The following TMC1 variants were observed in gnomAD, a reference collection of about 807,000 sequenced individuals.
TMC1 encodes the protein transmembrane channel like 1.
TMC1 carries 84 observed loss-of-function variants against 105.8 expected under a neutral mutation model. That is an observed-to-expected ratio of 0.79 (90% CI 0.67 to 0.95). The LOEUF (loss-of-function observed/expected upper bound fraction) is 0.95, where lower values mean the gene tolerates loss of function less well. Ranked by LOEUF, TMC1 falls within the 40% of genes least tolerant of loss-of-function variation. The pLI is 0.00. For missense variants in TMC1, 817 were observed against 914.1 expected (o/e 0.89, Z 1.37); for synonymous variants, 315 against 311.5 (o/e 1.01, Z -0.12).
intron 13 of TMC1, among the ~76,000 whole-genome samples, chr9:72,787,676 C>T (rs551298477): frequency 2.0e-5 from 3 of 151,642 alleles, no homozygotes; most frequent in East Asian, 3.9e-4. Flanking sequence ...TATATATACA[C>T]ACACACACAT....
At chr9:72,771,674 G>T (rs1399031847) in intron 12 of TMC1, among the ~76,000 whole-genome samples, 1 of 152,220 alleles carries the variant, frequency 6.6e-6, no homozygotes, top group East Asian at 1.9e-4. Context: ...AATGCTGAAA[G>T]TGAAAAACAC....
At position 72,791,512 on chromosome 9, in the gene TMC1, C is replaced by A. The variant is rs370947820; in HGVS notation, c.1225-374C>A. Among the ~76,000 whole-genome samples the A allele has an allele frequency of 5.9e-5, 9 of 152,332 alleles. No homozygotes were observed. The East Asian group carries it at 1.7e-3, about 29-fold the overall frequency. On this transcript the variant is annotated intron_variant, in intron 15 of 23. Transcript: ENST00000297784. Reference sequence around the variant, plus strand: ...GAATTTTCAGTTTGAACCTCCTCCTCAAGCAGATTATTTTCCATTTCTTTT... The same window carrying A: ...GAATTTTCAGTTTGAACCTCCTCCTAAAGCAGATTATTTTCCATTTCTTTT...
At chr9:72,705,265 G>T (rs901298576) in intron 8 of TMC1, among the ~76,000 whole-genome samples, 1 of 152,184 alleles carries the variant, frequency 6.6e-6, no homozygotes, top group Admixed American at 6.5e-5. Context: ...GTGGTAGATT[G>T]AAAGTGCTCA....
intron 18 of TMC1, among the ~76,000 whole-genome samples, chr9:72,808,460 C>T (rs568617607): frequency 6.6e-6 from 1 of 152,284 alleles, no homozygotes; most frequent in East Asian, 1.9e-4. Context: ...ACACACTGTT[C>T]TGTTTTCTTC....
intron 2 of TMC1, among the ~76,000 whole-genome samples, chr9:72,592,691 G>A (rs1449764236): frequency 6.6e-6 from 1 of 152,160 alleles, no homozygotes; most frequent in East Asian, 1.9e-4. Context: ...TAGATTCTAA[G>A]TTGCCTGCAG....
chr9:72,606,333 A>G (rs936628494), intron 2 of TMC1, among the ~76,000 whole-genome samples: 4 of 152,192 alleles, frequency 2.6e-5, no homozygotes, highest in African/African-American at 9.7e-5. Context: ...GATAAGAGAG[A>G]GAGAATCCAA....
intron 2 of TMC1, among the ~76,000 whole-genome samples, chr9:72,582,262 C>T (rs1020570023): frequency 7.2e-5 from 11 of 152,168 alleles, no homozygotes; most frequent in Admixed American, 6.5e-5. Flanking sequence ...CAGCCGATAG[C>T]ATCTTAACAA....
chr9:72,700,327 T>G (rs1051012154), intron 7 of TMC1, among the ~76,000 whole-genome samples, 191 bp from the exon 8 acceptor site: 2 of 151,962 alleles, frequency 1.3e-5, no homozygotes, highest in African/African-American at 4.8e-5. Flanking sequence ...CACTACTGCT[T>G]AAAGTTATAA....
intron 8 of TMC1, among the ~76,000 whole-genome samples, chr9:72,735,436 A>G (rs1168261161): frequency 6.6e-6 from 1 of 152,168 alleles, no homozygotes; most frequent in Admixed American, 6.5e-5. Context: ...ACATGTAAAG[A>G]TGTTTTCTTG....
intron 11 of TMC1, among the ~76,000 whole-genome samples, chr9:72,753,600 A>G (rs557956476): frequency 4.5e-4 from 69 of 152,274 alleles, no homozygotes; most frequent in African/African-American, 1.7e-3. Flanking sequence ...AGGTTGTATT[A>G]GGTGCTGAGG....
intron 1 of TMC1, among the ~76,000 whole-genome samples, chr9:72,524,784 A>C (rs1823378536): frequency 6.6e-6 from 1 of 152,216 alleles, no homozygotes; most frequent in African/African-American, 2.4e-5. Context: ...AGAGAGAGAA[A>C]TCTTAAGGGA....
chr9:72,804,095 A>G (rs984631490), intron 17 of TMC1, among the ~76,000 whole-genome samples: 5 of 152,216 alleles, frequency 3.3e-5, no homozygotes, highest in Admixed American at 3.3e-4. Context: ...ACATGGATGG[A>G]GCTGAAAGCC....
chr9:72,670,141 C>A (rs1826107083), intron 5 of TMC1, among the ~76,000 whole-genome samples: 1 of 152,174 alleles, frequency 6.6e-6, no homozygotes, highest in African/African-American at 2.4e-5. Context: ...CCTGCTGACT[C>A]TTCTGCTGAA....
At chr9:72,744,508 A>G (rs1564526899) in intron 10 of TMC1, among the ~76,000 whole-genome samples, 1 of 152,202 alleles carries the variant, frequency 6.6e-6, no homozygotes, top group Non-Finnish European at 1.5e-5. Flanking sequence ...AGAGGCACTG[A>G]AAAACAAAAG....
At chr9:72,820,334 T>G (rs1828847072) in intron 19 of TMC1, among the ~76,000 whole-genome samples, 1 of 152,238 alleles carries the variant, frequency 6.6e-6, no homozygotes, top group Non-Finnish European at 1.5e-5. Flanking sequence ...CGTGGCCCAC[T>G]GCAACCTTGA....
At chr9:72,785,281 T>C (rs1461245896) in intron 13 of TMC1, among the ~76,000 whole-genome samples, 1 of 152,218 alleles carries the variant, frequency 6.6e-6, no homozygotes, top group East Asian at 1.9e-4. Flanking sequence ...GTCCACATAT[T>C]TAATGACTTT....
chr9:72,748,466 T>A (rs1345145795), intron 10 of TMC1, among the ~76,000 whole-genome samples: 1 of 152,216 alleles, frequency 6.6e-6, no homozygotes, highest in East Asian at 1.9e-4. Context: ...AGTGGCAGCA[T>A]AATGAGTTGA....
At position 72,606,387 on chromosome 9, in the gene TMC1, A is replaced by G. The variant is rs141799564; in HGVS notation, c.-305-9981A>G. ...CTTATAACTTAGGTTTAGAAATAAT[A>G]TATCAGTACCTCTGCCACATTCTGT... is the stretch of plus-strand genomic sequence containing the variant. On this transcript the variant is annotated intron_variant, in intron 2 of 23. Transcript: ENST00000297784. 1.2e-4 allele frequency among the ~76,000 whole-genome samples: 18 copies of G among 152,294 alleles called. No individual in the cohort carries two copies. The East Asian group carries it at 3.5e-3, about 29-fold the overall frequency.
intron 2 of TMC1, among the ~76,000 whole-genome samples, chr9:72,599,296 G>T (rs1824768537): frequency 6.6e-6 from 1 of 152,158 alleles, no homozygotes; most frequent in South Asian, 2.1e-4. Flanking sequence ...TTCCCAAAGT[G>T]CTGGGATTAC....
Sources: allele counts gnomAD v4.1 joint callset (sites outside exome capture counted in the v4.1 genomes callset), GRCh38; gene constraint gnomAD v4.1.1; transcripts MANE v1.5; gene names NCBI Gene and HGNC (gene_info 2026-07-23, HGNC 2026-07-21).